The following HACL1 variants were observed in gnomAD, a reference collection of about 807,000 sequenced individuals.
HACL1 encodes the protein 2-hydroxyacyl-CoA lyase 1.
HACL1 carries 64 observed loss-of-function variants against 74.2 expected under a neutral mutation model. The ratio of observed to expected loss-of-function variants is 0.86; its 90% confidence interval spans 0.70 to 1.06. The LOEUF is 1.06. Ranked by LOEUF, HACL1 falls within the 50% of genes least tolerant of loss-of-function variation. The pLI is 0.00. For missense variants in HACL1, 728 were observed against 719.7 expected, an observed-to-expected ratio of 1.01 and a Z score of -0.13; for synonymous variants, 230 against 238.8, an observed-to-expected ratio of 0.96 and a Z score of 0.34.
intron 16 of HACL1, among the ~76,000 whole-genome samples, chr3:15,562,123 G>A (rs1386962616): frequency 2.0e-5 from 3 of 152,158 alleles, no homozygotes; most frequent in Non-Finnish European, 4.4e-5. Context: ...AAAGTGGCAT[G>A]AGATGAAAAA....
chr3:15,576,150 G>A (rs1462376579), intron 9 of HACL1, among the ~76,000 whole-genome samples: 1 of 73,904 alleles, frequency 1.4e-5, no homozygotes, highest in African/African-American at 6.7e-5. Context: ...GCGAGACTCT[G>A]TCTCAAAAAA....
chr3:15,569,500 A>G (rs1353417679), intron 12 of HACL1, among the ~76,000 whole-genome samples: 1 of 152,056 alleles, frequency 6.6e-6, no homozygotes, highest in Non-Finnish European at 1.5e-5. Context: ...CCTGGCCAAC[A>G]TGGTGAAATC....
chr3:15,565,906 G>C (rs1367753907), intron 14 of HACL1, among the ~76,000 whole-genome samples: 13 of 152,086 alleles, frequency 8.5e-5, no homozygotes. Context: ...TATTCCCTAA[G>C]CAATACAGCA....
intron 12 of HACL1, among the ~76,000 whole-genome samples, chr3:15,570,468 C>T (rs931178436): frequency 9.2e-5 from 14 of 151,472 alleles, no homozygotes; most frequent in African/African-American, 2.9e-4. Context: ...GAGCATAACT[C>T]AAATTTTATA....
intron 11 of HACL1, among the ~76,000 whole-genome samples, chr3:15,572,680 A>T (rs1311597616): frequency 6.6e-6 from 1 of 152,252 alleles, no homozygotes; most frequent in East Asian, 1.9e-4. Flanking sequence ...ATCTCCTGTC[A>T]CAGTGAAATG....
rs1225242533 is a variant in HACL1 at position 15,570,111 on chromosome 3, C to T, written c.1096-1525G>A. On this transcript the variant is annotated intron_variant, in intron 12 of 16. Coordinates refer to ENST00000321169, the MANE Select transcript of HACL1 (RefSeq NM_012260.4). ...CAGCACTTTGGGAGGCCAAGGCGGG[C>T]GGATCACGAGGTCAAGAGATCAAGA... Among the ~76,000 whole-genome samples the T allele has an allele frequency of 2.6e-5, 4 of 151,986 alleles. No homozygotes were observed. In the South Asian group the frequency reaches 6.2e-4, roughly 24 times the overall value.
intron 4 of HACL1, 136 bp from the exon 5 acceptor site, chr3:15,589,748 A>G: frequency 1.5e-6 from 1 of 662,860 alleles, no homozygotes; most frequent in Non-Finnish European, 2.6e-6. Flanking sequence ...GAAACTGTAG[A>G]TTAAGGCTGG....
intron 11 of HACL1, 122 bp downstream of exon 11, chr3:15,573,037 C>T (rs2063563080): frequency 1.6e-6 from 1 of 609,652 alleles, no homozygotes; most frequent in African/African-American, 1.9e-5. Context: ...TTCAATCATA[C>T]ATTTTGTTTA....
rs562241682 is a variant in HACL1, at chr3:15,585,863, A to T, written c.460-521T>A. Among the ~76,000 whole-genome samples, 226 of 152,346 alleles carry T rather than the reference A, an allele frequency of 1.5e-3. 1 individual carries two copies. Among genetic ancestry groups the T allele is most frequent in the Non-Finnish European group, 2.5e-3 (172 of 68,012 alleles). On this transcript the variant is annotated intron_variant, in intron 6 of 16. Coordinates refer to ENST00000321169, the MANE Select transcript of HACL1 (RefSeq NM_012260.4). ...ATGTGAAACTTAGTGTGTGCCAAGAAGATGATACAGGTGGAAAATTCCATA... is the reference window on the plus strand; with the variant it reads ...ATGTGAAACTTAGTGTGTGCCAAGATGATGATACAGGTGGAAAATTCCATA...
rs1559560777 is a variant in HACL1 at position 15,592,082 on chromosome 3, A to ATACG, written c.228-403_228-402insCGTA. Among the ~76,000 whole-genome samples the ATACG allele has an allele frequency of 1.4e-4, 20 of 138,704 alleles. 1 individual carries two copies. Among genetic ancestry groups the ATACG allele is most frequent in the Non-Finnish European group, 2.4e-4 (16 of 65,830 alleles). 91.0% of individuals were successfully genotyped at this position (138,704 alleles called of 152,430 possible). On this transcript the variant is annotated intron_variant, in intron 3 of 16. Transcript: ENST00000321169. ...TATATATACGTATATACGTATACGT[A>ATACG]TATATACACACACTATATACGTATA...
chr3:15,577,269 G>A (rs1001444669), intron 9 of HACL1, among the ~76,000 whole-genome samples: 1 of 151,768 alleles, frequency 6.6e-6, no homozygotes, highest in East Asian at 1.9e-4. Context: ...AGGATCACTT[G>A]AGCCTAGGGG....
chr3:15,601,319 A>C (rs1490058540), intron 1 of HACL1, 64 bp downstream of exon 1: 3 of 1,607,550 alleles, frequency 1.9e-6, no homozygotes, highest in Non-Finnish European at 2.6e-6. Context: ...CTCGTCTCCA[A>C]GACAACATCG....
chr3:15,596,827 A>G (rs2064075725), intron 2 of HACL1, among the ~76,000 whole-genome samples: 1 of 151,552 alleles, frequency 6.6e-6, no homozygotes, highest in Non-Finnish European at 1.5e-5. Flanking sequence ...GTTTTTCTCT[A>G]TTGTTTGTTT....
chr3:15,560,982 T>C, intron 16 of HACL1, 85 bp from the exon 17 acceptor site: 2 of 1,057,090 alleles, frequency 1.9e-6, no homozygotes, highest in Non-Finnish European at 2.9e-6. Flanking sequence ...TTCTAAAACC[T>C]AAAAGTCCTA....
chr3:15,583,324 T>C (rs1360954006), intron 7 of HACL1, among the ~76,000 whole-genome samples: 9 of 152,218 alleles, frequency 5.9e-5, no homozygotes, highest in Admixed American at 5.9e-4. Flanking sequence ...CCTGATATCA[T>C]CTAATAACCA....
At chr3:15,591,917 G>C (rs1197106358) in intron 3 of HACL1, among the ~76,000 whole-genome samples, 1 of 148,972 alleles carries the variant, frequency 6.7e-6, no homozygotes, top group Admixed American at 6.7e-5. Flanking sequence ...TATGTATATA[G>C]TGTATATATA....
At position 15,560,722 on chromosome 3, in the gene HACL1, A is replaced by T; in HGVS notation, c.*143T>A. The T allele has an allele frequency of 1.5e-6, 1 of 670,456 alleles. No homozygotes were observed. The highest frequency in any genetic ancestry group is 2.7e-6 in the Non-Finnish European group (1 of 375,814). The allele number at this position is 670,456 out of a possible 1,614,324, so 41.5% of individuals were successfully genotyped here. On this transcript the variant is annotated 3_prime_UTR_variant, in exon 17 of 17. Coordinates refer to ENST00000321169, the MANE Select transcript of HACL1 (RefSeq NM_012260.4). ...ACTTTTTCTAACTTTTTCTGTTTTTAATCAATTCCTTTACTGTAAAATGTC... is the reference window on the plus strand; with the variant it reads ...ACTTTTTCTAACTTTTTCTGTTTTTTATCAATTCCTTTACTGTAAAATGTC...
chr3:15,583,100 C>G (rs540955236), intron 7 of HACL1, 111 bp from the exon 8 acceptor site: 11 of 585,282 alleles, frequency 1.9e-5, no homozygotes, highest in Non-Finnish European at 2.8e-5. Flanking sequence ...TCTCCATACA[C>G]CCCCATGTAG....
intron 11 of HACL1, among the ~76,000 whole-genome samples, chr3:15,572,422 G>A (rs1341010615): frequency 6.6e-6 from 1 of 152,152 alleles, no homozygotes; most frequent in Non-Finnish European, 1.5e-5. Flanking sequence ...AGACTGGAGT[G>A]CTACCTCCTC....
Sources: allele counts gnomAD v4.1 joint callset (sites outside exome capture counted in the v4.1 genomes callset), GRCh38; gene constraint gnomAD v4.1.1; transcripts MANE v1.5; gene names NCBI Gene and HGNC (gene_info 2026-07-23, HGNC 2026-07-21).